Variants in PCSK5 observed in about 807,000 individuals in gnomAD.
The protein encoded by PCSK5 is prohormone convertase 5.
Under a neutral mutation model 233.2 loss-of-function variants are expected in PCSK5, and 129 were observed. The observed-to-expected ratio is 0.55, with a 90% CI of 0.48 to 0.64. PCSK5 has a LOEUF of 0.64. Among genes scored for constraint, PCSK5 ranks in the 30% least tolerant of loss-of-function variants. The pLI, the probability that PCSK5 is intolerant of heterozygous loss-of-function variation, is 0.00. For missense variants in PCSK5, 2,076 were observed against 2,430.1 expected (o/e 0.85, Z 3.06); for synonymous variants, 825 against 879.2 (o/e 0.94, Z 1.09).
chr9:75,955,632 C>T (rs890243574), intron 2 of PCSK5, among the ~76,000 whole-genome samples: 4 of 149,468 alleles, frequency 2.7e-5, no homozygotes, highest in Admixed American at 2.7e-4. Flanking sequence ...TATACTAACT[C>T]AGTGTTTCTC....
chr9:76,173,496 CTTTTTTTTTTTTTTTTTTTTTTTTTT>C (rs59248860), intron 13 of PCSK5, among the ~76,000 whole-genome samples: 1 of 60,968 alleles, frequency 1.6e-5, no homozygotes, highest in Non-Finnish European at 3.3e-5. Context: ...GGCACGTTTC[CTTTTTTTTTTTTTTTTTTTTTTTTTT>C]TTTTTTTTTT....
At position 76,358,883 on chromosome 9, in the gene PCSK5, G is replaced by A; in HGVS notation, c.5625G>A (p.Glu1875=). The change falls in exon 38 of 38, where the codon GAG becomes GAA. Residue 1875 remains glutamate, a synonymous_variant. Transcript: ENST00000674117. ...YGLLDDDDID[E]LEYDDESYSY... The stretch of plus-strand genomic sequence containing the variant: ...TGCTGGATGACGATGACATAGATGA[G>A]CTGGAATATGATGACGAGAGTTACT... 2 of 1,612,844 alleles carry A rather than the reference G, an allele frequency of 1.2e-6. No individual in the cohort carries two copies. Among genetic ancestry groups the A allele is most frequent in the Non-Finnish European group, 1.7e-6 (2 of 1,179,880 alleles).
intron 24 of PCSK5, among the ~76,000 whole-genome samples, chr9:76,265,932 G>C (rs915055366): frequency 6.6e-6 from 1 of 152,076 alleles, no homozygotes; most frequent in Non-Finnish European, 1.5e-5. Context: ...AATTCTCTTT[G>C]CAATCCTGTA....
At chr9:75,993,054 C>T (rs535924663) in intron 3 of PCSK5, among the ~76,000 whole-genome samples, 3 of 152,128 alleles carry the variant, frequency 2.0e-5, no homozygotes, top group Non-Finnish European at 4.4e-5. Flanking sequence ...GCGGTTGGCA[C>T]ACATTTTTCT....
At chr9:75,947,948 C>A (rs1293162460) in intron 2 of PCSK5, among the ~76,000 whole-genome samples, 1 of 152,146 alleles carries the variant, frequency 6.6e-6, no homozygotes, top group Admixed American at 6.5e-5. Context: ...CTCAAGTGAT[C>A]TTCCCACCTC....
chr9:76,073,898 G>A (rs1321787443), intron 7 of PCSK5, among the ~76,000 whole-genome samples: 2 of 151,972 alleles, frequency 1.3e-5, no homozygotes, highest in African/African-American at 4.8e-5. Context: ...TAAAAATATG[G>A]TACTTTGGTT....
intron 5 of PCSK5, among the ~76,000 whole-genome samples, chr9:76,043,418 G>T (rs971163837): frequency 3.4e-5 from 5 of 146,456 alleles, no homozygotes; most frequent in African/African-American, 1.3e-4. Flanking sequence ...CTGAAAAAAA[G>T]ACTGCAATTT....
intron 10 of PCSK5, among the ~76,000 whole-genome samples, chr9:76,154,896 T>C (rs1823823828): frequency 6.6e-6 from 1 of 152,184 alleles, no homozygotes. Context: ...ATCATGTGAG[T>C]ACCTCTGTCC....
At chr9:76,230,493 C>T (rs540658824) in intron 21 of PCSK5, among the ~76,000 whole-genome samples, 2 of 152,264 alleles carry the variant, frequency 1.3e-5, no homozygotes, top group South Asian at 2.1e-4. Context: ...AAATGATTTC[C>T]CCCCCAAACC....
At chr9:76,023,444 C>T (rs540657872) in intron 3 of PCSK5, among the ~76,000 whole-genome samples, 23 of 152,132 alleles carry the variant, frequency 1.5e-4, no homozygotes, top group Non-Finnish European at 2.8e-4. Flanking sequence ...GTGGGAGGAT[C>T]ACTTGAGTCC....
At position 76,199,573 on chromosome 9, in the gene PCSK5, G is replaced by GA. The variant is rs551533513; in HGVS notation, c.2626+9827_2626+9828insA. On this transcript the variant is annotated intron_variant, in intron 20 of 37. Coordinates refer to ENST00000674117, the MANE Select transcript of PCSK5 (RefSeq NM_001372043.1). ...TTCACCCTCTAGGGAACAGAAAAGA[G>GA]GAGAGAGAGATATGTCCTATCCTTG... is the stretch of plus-strand genomic sequence containing the variant. Among the ~76,000 whole-genome samples the GA allele has an allele frequency of 1.5e-4, 23 of 152,214 alleles. No homozygotes were observed. In the South Asian group the frequency reaches 4.8e-3, roughly 32 times the overall value.
chr9:76,064,181 G>C (rs1830160678), intron 5 of PCSK5, among the ~76,000 whole-genome samples: 1 of 123,292 alleles, frequency 8.1e-6, no homozygotes, highest in African/African-American at 3.7e-5. Flanking sequence ...GCCAGGCGGG[G>C]GGCTGACCCC....
At chr9:76,054,574 T>C (rs1587558183) in intron 5 of PCSK5, among the ~76,000 whole-genome samples, 1 of 152,210 alleles carries the variant, frequency 6.6e-6, no homozygotes, top group South Asian at 2.1e-4. Flanking sequence ...TTGCCAATAC[T>C]GTTTGTGCTC....
At chr9:76,001,739 C>T (rs1183592652) in intron 3 of PCSK5, among the ~76,000 whole-genome samples, 1 of 152,100 alleles carries the variant, frequency 6.6e-6, no homozygotes, top group East Asian at 1.9e-4. Flanking sequence ...GTGTGTTAAA[C>T]TTGCCATTCT....
At chr9:75,939,278 T>C (rs62555895) in intron 2 of PCSK5, among the ~76,000 whole-genome samples, 1 of 152,178 alleles carries the variant, frequency 6.6e-6, no homozygotes. Flanking sequence ...ACTAGGGCAA[T>C]AATAACACAG....
At chr9:76,314,160 G>A (rs556546432) in intron 30 of PCSK5, among the ~76,000 whole-genome samples, 8 of 152,272 alleles carry the variant, frequency 5.3e-5, no homozygotes, top group African/African-American at 1.7e-4. Context: ...TTAGTTGACC[G>A]CTTAATGTAT....
intron 20 of PCSK5, chr9:76,193,115 T>C (rs779997310): frequency 2.6e-6 from 2 of 773,996 alleles, no homozygotes; most frequent in Non-Finnish European, 4.0e-6. Context: ...TGACTACTCC[T>C]GAATGATCTC....
At chr9:76,187,360 A>G (rs1222729486) in intron 17 of PCSK5, among the ~76,000 whole-genome samples, 1 of 151,988 alleles carries the variant, frequency 6.6e-6, no homozygotes, top group African/African-American at 2.4e-5. Context: ...TATTTTTTAT[A>G]TTAACTATTG....
chr9:76,088,742 C>T (rs2131635569), intron 7 of PCSK5, among the ~76,000 whole-genome samples: 1 of 152,270 alleles, frequency 6.6e-6, no homozygotes, highest in East Asian at 1.9e-4. Context: ...TTTACCACGA[C>T]TACATTATCT....
Sources: gnomAD v4.1 joint callset for allele counts (sites outside exome capture counted in the v4.1 genomes callset) on GRCh38, gnomAD v4.1.1 for gene constraint, MANE v1.5 for transcripts, NCBI Gene and HGNC (gene_info 2026-07-23, HGNC 2026-07-21) for gene names.